KCNAB1: variants seen among roughly 807,000 people sequenced by gnomAD.
KCNAB1 encodes potassium voltage-gated channel subfamily A regulatory beta subunit 1, also known as voltage-gated potassium channel subunit beta-1.
A neutral mutation model predicts 64.6 loss-of-function variants in KCNAB1; 35 were observed. That is an observed-to-expected ratio of 0.54 (90% CI 0.41 to 0.72). The LOEUF is 0.72. Among genes scored for constraint, KCNAB1 ranks in the 30% least tolerant of loss-of-function variants. KCNAB1 has a pLI of 0.00. For synonymous variants in KCNAB1, 177 were observed against 183.8 expected (o/e 0.96, Z 0.30); for missense variants, 401 against 512.9 (o/e 0.78, Z 2.11).
chr3:156,369,039 G>T (rs1051449700), intron 1 of KCNAB1, among the ~76,000 whole-genome samples: 2 of 152,158 alleles, frequency 1.3e-5, no homozygotes, highest in Non-Finnish European at 2.9e-5. Flanking sequence ...CCACAGGCAG[G>T]TCAAGATCTA....
intron 1 of KCNAB1, among the ~76,000 whole-genome samples, chr3:156,170,575 T>A (rs1017146428): frequency 6.6e-6 from 1 of 152,172 alleles, no homozygotes; most frequent in Admixed American, 6.5e-5. Context: ...CTGGTGACAA[T>A]TGGATCCAAA....
At chr3:156,243,819 C>T (rs114293351) in intron 1 of KCNAB1, among the ~76,000 whole-genome samples, 2 of 152,194 alleles carry the variant, frequency 1.3e-5, no homozygotes, top group African/African-American at 4.8e-5. Flanking sequence ...TTCAGAAGGT[C>T]ACAGTAATCA....
At chr3:156,227,719 C>T (rs1485916863) in intron 1 of KCNAB1, 1 of 152,254 alleles carries the variant, frequency 6.6e-6, no homozygotes, top group African/African-American at 2.4e-5. Flanking sequence ...GTAACAGGCT[C>T]AAGGCCCCCA....
intron 1 of KCNAB1, among the ~76,000 whole-genome samples, chr3:156,196,647 G>C (rs1044795680): frequency 6.6e-5 from 10 of 152,088 alleles, no homozygotes; most frequent in African/African-American, 2.4e-4. Flanking sequence ...TGTGATTTTT[G>C]CACATTGATT....
At chr3:156,291,694 G>A in intron 1 of KCNAB1, 2 of 1,416,258 alleles carry the variant, frequency 1.4e-6, no homozygotes, top group Non-Finnish European at 1.8e-6. Context: ...TACTTCTCTG[G>A]GTCCCCGGGG....
intron 1 of KCNAB1, among the ~76,000 whole-genome samples, chr3:156,242,044 TA>T: frequency 6.6e-6 from 1 of 152,326 alleles, no homozygotes; most frequent in Non-Finnish European, 1.5e-5. Context: ...TTGTTGTTTT[TA>T]AATCTCTGGA....
chr3:156,300,271 C>T (rs191270848), intron 1 of KCNAB1, among the ~76,000 whole-genome samples: 11 of 152,314 alleles, frequency 7.2e-5, no homozygotes, highest in African/African-American at 2.2e-4. Flanking sequence ...AAAGCTGCAT[C>T]GGAAACTTCT....
chr3:156,204,331 T>G (rs919329750), intron 1 of KCNAB1, among the ~76,000 whole-genome samples: 1 of 152,214 alleles, frequency 6.6e-6, no homozygotes, highest in Non-Finnish European at 1.5e-5. Context: ...TTGTAGAGGT[T>G]TGGCTCAGGG....
intron 2 of KCNAB1, among the ~76,000 whole-genome samples, chr3:156,433,467 A>C (rs1040843050): frequency 6.6e-6 from 1 of 152,224 alleles, no homozygotes; most frequent in Non-Finnish European, 1.5e-5. Flanking sequence ...GCTAGGGTTA[A>C]GGGAGGTCAT....
chr3:156,248,553 G>C (rs555623187), intron 1 of KCNAB1, among the ~76,000 whole-genome samples: 1 of 143,884 alleles, frequency 7.0e-6, no homozygotes. Flanking sequence ...GCTTACAGAT[G>C]TAAGTACTAT....
chr3:156,143,310 A>G (rs1312568532), intron 1 of KCNAB1: 1 of 1,613,566 alleles, frequency 6.2e-7, no homozygotes, highest in Non-Finnish European at 8.5e-7. Context: ...CGGCCTGCAA[A>G]CCTGTGAGGC....
At chr3:156,182,140 A>G (rs1314889614) in intron 1 of KCNAB1, among the ~76,000 whole-genome samples, 1 of 152,160 alleles carries the variant, frequency 6.6e-6, no homozygotes, top group Non-Finnish European at 1.5e-5. Context: ...GTCCCTATAT[A>G]AGATGGGTTT....
intron 7 of KCNAB1, among the ~76,000 whole-genome samples, chr3:156,473,997 G>A (rs1268022664): frequency 6.6e-6 from 1 of 152,076 alleles, no homozygotes; most frequent in African/African-American, 2.4e-5. Context: ...GTGACCAAAT[G>A]GTTAGGGCTG....
chr3:156,457,003 A>G (rs1712486142), intron 3 of KCNAB1: 1 of 159,606 alleles, frequency 6.3e-6, no homozygotes, highest in South Asian at 1.9e-4. Flanking sequence ...CAACAGTCAC[A>G]GCTCTGTCTC....
intron 7 of KCNAB1, among the ~76,000 whole-genome samples, chr3:156,468,359 G>A (rs777884792): frequency 9.9e-5 from 15 of 152,238 alleles, no homozygotes; most frequent in Non-Finnish European, 1.8e-4. Context: ...ATGCGTGTGT[G>A]TGTGTGTACA....
chr3:156,380,287 T>G (rs1712051405), intron 1 of KCNAB1, among the ~76,000 whole-genome samples: 1 of 152,210 alleles, frequency 6.6e-6, no homozygotes, highest in African/African-American at 2.4e-5. Context: ...TAGAAAAATA[T>G]TCACCATGTT....
chr3:156,245,241 A>G (rs932335950), intron 1 of KCNAB1, among the ~76,000 whole-genome samples: 1 of 152,040 alleles, frequency 6.6e-6, no homozygotes, highest in African/African-American at 2.4e-5. Flanking sequence ...TTGCTTCTAA[A>G]ATTTTTATCG....
At chr3:156,401,207 A>C (rs759468463) in intron 1 of KCNAB1, among the ~76,000 whole-genome samples, 1 of 152,252 alleles carries the variant, frequency 6.6e-6, no homozygotes, top group Non-Finnish European at 1.5e-5. Flanking sequence ...AAACTGAAGT[A>C]GAATGTAAAC....
chr3:156,123,684 A>G (rs965661818), intron 1 of KCNAB1, among the ~76,000 whole-genome samples: 2 of 152,220 alleles, frequency 1.3e-5, no homozygotes, highest in Non-Finnish European at 2.9e-5. Context: ...ACTCTGTGAT[A>G]CTGATTTTTT....
Sources: gnomAD v4.1 joint callset for allele counts (sites outside exome capture counted in the v4.1 genomes callset) on GRCh38, gnomAD v4.1.1 for gene constraint, MANE v1.5 for transcripts, NCBI Gene and HGNC (gene_info 2026-07-23, HGNC 2026-07-21) for gene names.